The following ADGRG6 variants were observed in gnomAD, a reference collection of about 807,000 sequenced individuals.
The protein encoded by ADGRG6 is G-protein coupled receptor 126.
A neutral mutation model predicts 142.4 loss-of-function variants in ADGRG6; 84 were observed. The ratio of observed to expected loss-of-function variants is 0.59; its 90% CI spans 0.49 to 0.71. The LOEUF is 0.71. Among genes scored for constraint, ADGRG6 ranks in the 30% least tolerant of loss-of-function variants. The pLI is 0.00. For missense variants in ADGRG6, 1,367 were observed against 1,466.6 expected, an observed-to-expected ratio of 0.93 and a Z score of 1.11; for synonymous variants, 521 against 520.5, an observed-to-expected ratio of 1.00 and a Z score of -0.01.
intron 15 of ADGRG6, among the ~76,000 whole-genome samples, chr6:142,407,411 G>T (rs148465096): frequency 0.013 from 1,942 of 151,946 alleles, 23 homozygotes; most frequent in Non-Finnish European, 0.019. Context: ...AATTTTATTT[G>T]GAATTTATCC....
At chr6:142,400,995 C>G (rs1211431504) in intron 11 of ADGRG6, among the ~76,000 whole-genome samples, 1 of 152,074 alleles carries the variant, frequency 6.6e-6, no homozygotes, top group Non-Finnish European at 1.5e-5. Context: ...AAGACAAGAT[C>G]CAGATTGGGA....
rs1305758369 is a variant in ADGRG6, at chr6:142,383,841, A to AT, written c.1221dup (p.Asp408Ter). On this transcript the variant is annotated frameshift_variant and splice_region_variant, in exon 6 of 25. Coordinates refer to ENST00000367609, the MANE Select transcript of ADGRG6 (RefSeq NM_198569.3). LOFTEE classifies it high-confidence loss of function. ...ACTAACAGAATCGATAAACAAAGGAATGGTAAGAAATCATTACCTTTTATA... is the reference window on the plus strand; with the variant it reads ...ACTAACAGAATCGATAAACAAAGGAATTGGTAAGAAATCATTACCTTTTATA... 1 of 1,465,906 alleles carries AT rather than the reference A, an allele frequency of 6.8e-7. No homozygotes were observed. The highest frequency in any genetic ancestry group is 9.6e-7 in the Non-Finnish European group (1 of 1,046,570). The allele number at this position is 1,465,906 out of a possible 1,614,324, so 90.8% of individuals were successfully genotyped here.
chr6:142,398,878 A>G (rs1775350009), intron 10 of ADGRG6, among the ~76,000 whole-genome samples: 1 of 152,138 alleles, frequency 6.6e-6, no homozygotes, highest in Non-Finnish European at 1.5e-5. Flanking sequence ...ATATATATGT[A>G]TATATTCTGT....
At chr6:142,420,460 C>A (rs998831452) in intron 22 of ADGRG6, among the ~76,000 whole-genome samples, 10 of 152,130 alleles carry the variant, frequency 6.6e-5, no homozygotes, top group African/African-American at 2.4e-4. Flanking sequence ...TTACCTTCTT[C>A]ACAGTTTTGC....
intron 21 of ADGRG6, 42 bp from the exon 22 acceptor site, chr6:142,419,779 G>A: frequency 8.8e-6 from 13 of 1,476,566 alleles, no homozygotes; most frequent in Non-Finnish European, 1.1e-5. Flanking sequence ...AACAGGACAT[G>A]GTAATAAATC....
chr6:142,328,955 C>T (rs1167392260), intron 2 of ADGRG6, among the ~76,000 whole-genome samples: 7 of 152,136 alleles, frequency 4.6e-5, no homozygotes. Flanking sequence ...TCCACATCCC[C>T]ACATTGGCTC....
chr6:142,366,578 C>T (rs1192529066), intron 2 of ADGRG6, among the ~76,000 whole-genome samples: 1 of 152,012 alleles, frequency 6.6e-6, no homozygotes, highest in African/African-American at 2.4e-5. Context: ...ACCTTTAGGT[C>T]CAACACTGAA....
intron 2 of ADGRG6, among the ~76,000 whole-genome samples, chr6:142,332,734 G>T (rs1009257298): frequency 6.6e-6 from 1 of 152,112 alleles, no homozygotes; most frequent in Non-Finnish European, 1.5e-5. Flanking sequence ...GACATCTATT[G>T]TTATCTTTGG....
chr6:142,323,383 T>C (rs1778611587), intron 2 of ADGRG6, among the ~76,000 whole-genome samples: 1 of 152,120 alleles, frequency 6.6e-6, no homozygotes, highest in South Asian at 2.1e-4. Context: ...GCTCAATCTT[T>C]ACATCTTAAA....
Position 142,411,343 on chromosome 6 carries a change from C to A in ADGRG6, c.2473C>A (p.His825Asn). The A allele has an allele frequency of 6.2e-7, 1 of 1,609,248 alleles. No individual in the cohort carries two copies. Among genetic ancestry groups the A allele is most frequent in the Non-Finnish European group, 8.5e-7 (1 of 1,175,746 alleles). The change falls in exon 18 of 25, where the codon CAC becomes AAC. Residue 825 changes from histidine to asparagine, a missense_variant. This residue lies in a region of ADGRG6 where 286 missense variants were observed against 371.4 expected (regional missense o/e 0.77). Coordinates refer to ENST00000367609, the MANE Select transcript of ADGRG6 (RefSeq NM_198569.3). ...GGWNTSGCVA[H>N]RDSDASETVC... ...ATGGAACACGTCAGGATGTGTTGCA[C>A]ACAGAGATTCAGATGCAAGTGAGAC...
intron 2 of ADGRG6, among the ~76,000 whole-genome samples, chr6:142,318,179 ATT>A (rs1778282688): frequency 1.0e-4 from 1 of 9,608 alleles, no homozygotes; most frequent in Non-Finnish European, 1.8e-4. Context: ...ATATTTATAT[ATT>A]ATATATTATA....
intron 2 of ADGRG6, among the ~76,000 whole-genome samples, chr6:142,321,620 A>G (rs1184210057): frequency 3.3e-5 from 5 of 152,126 alleles, no homozygotes; most frequent in Non-Finnish European, 5.9e-5. Context: ...GATTTTGTTT[A>G]TATGGAATTA....
At chr6:142,402,881 A>C (rs373251480) in intron 13 of ADGRG6, 51 bp downstream of exon 13, 2 of 956,328 alleles carry the variant, frequency 2.1e-6, no homozygotes, top group Admixed American at 2.4e-5. Context: ...TAATGATGTT[A>C]CATGATTTCT....
intron 1 of ADGRG6, among the ~76,000 whole-genome samples, chr6:142,305,917 A>T (rs1777473157): frequency 6.6e-6 from 1 of 152,152 alleles, no homozygotes; most frequent in Admixed American, 6.5e-5. Context: ...TTTTTTAAAT[A>T]CATTGCTTTG....
chr6:142,407,722 G>A (rs1775878884), intron 15 of ADGRG6, among the ~76,000 whole-genome samples: 1 of 152,182 alleles, frequency 6.6e-6, no homozygotes, highest in South Asian at 2.1e-4. Context: ...GCATGGATGT[G>A]AAAGATGTCT....
At chr6:142,414,557 G>T (rs1436486845) in intron 18 of ADGRG6, among the ~76,000 whole-genome samples, 1 of 152,152 alleles carries the variant, frequency 6.6e-6, no homozygotes, top group Non-Finnish European at 1.5e-5. Flanking sequence ...AGGCTTGAGG[G>T]TTTGGCCATA....
chr6:142,395,824 A>T (rs1453854668), intron 9 of ADGRG6, among the ~76,000 whole-genome samples: 2 of 152,084 alleles, frequency 1.3e-5, no homozygotes, highest in African/African-American at 4.8e-5. Flanking sequence ...TTTTACATAC[A>T]TTGTTTTTTA....
intron 2 of ADGRG6, among the ~76,000 whole-genome samples, chr6:142,317,428 T>C (rs888557082): frequency 2.0e-5 from 3 of 151,888 alleles, no homozygotes; most frequent in African/African-American, 7.2e-5. Context: ...GGATTTTCCT[T>C]AGCAGGGTGT....
intron 4 of ADGRG6, among the ~76,000 whole-genome samples, chr6:142,371,714 T>A (rs1162872416): frequency 6.6e-6 from 1 of 152,094 alleles, no homozygotes; most frequent in Non-Finnish European, 1.5e-5. Flanking sequence ...CTCAATCTCC[T>A]GACCTCGTGA....
Sources: gnomAD v4.1 joint callset for allele counts (sites outside exome capture counted in the v4.1 genomes callset) on GRCh38, gnomAD v4.1.1 for gene constraint, gnomAD v4.1.1 regional missense constraint, MANE v1.5 for transcripts, NCBI Gene and HGNC (gene_info 2026-07-23, HGNC 2026-07-21) for gene names.